The following CDIN1 variants were observed in gnomAD, a reference collection of about 807,000 sequenced individuals.
CDIN1 encodes the protein CDAN1-interacting nuclease 1.
Under a neutral mutation model 45.3 loss-of-function variants are expected in CDIN1, and 33 were observed. The observed-to-expected ratio is 0.73, with a 90% CI of 0.55 to 0.97. The LOEUF (loss-of-function observed/expected upper bound fraction) is 0.97, where lower values mean the gene tolerates loss of function less well. CDIN1 is among the 50% of genes least tolerant of loss of function. The pLI is 0.00. For missense variants in CDIN1, 303 were observed against 339.4 expected (o/e 0.89, Z 0.84); for synonymous variants, 118 against 124.4 (o/e 0.95, Z 0.34).
chr15:36,614,324 C>T lies in CDIN1; in HGVS notation c.102-29954C>T, dbSNP rs138643537. On this transcript the variant is annotated intron_variant, in intron 1 of 10. Coordinates refer to ENST00000566621, the MANE Select transcript of CDIN1 (RefSeq NM_001321759.2). The stretch of plus-strand genomic sequence containing the variant: ...TAACTGGAAGGCTGCTTTCTCCTTT[C>T]GCCACCCCCTTCTCCCCTGTGGCTT... 6.0e-3 allele frequency: 3,370 copies of T among 558,910 alleles called. 16 individuals carry two copies. The highest frequency in any genetic ancestry group is 9.6e-3 in the Non-Finnish European group (2,748 of 286,718). 34.6% of individuals were successfully genotyped at this position (558,910 alleles called of 1,614,324 possible). A position where few individuals can be genotyped will look rare whatever the true frequency, so the allele number is the denominator to read the frequency against.
In CDIN1 at chr15:36,751,238, T is replaced by TATATATATATATATA. The variant is rs2053461355; in HGVS notation, c.716+41278_716+41292dup. On this transcript the variant is annotated intron_variant, in intron 10 of 10. Transcript: ENST00000566621. Reference sequence around the variant, plus strand: ...TATATATATGCTTATTTTATATATATATATATATATATATATATATATGGC... The same window carrying TATATATATATATATA: ...TATATATATGCTTATTTTATATATATATATATATATATATAATATATATATATATATATATATGGC... 3.7e-5 allele frequency among the ~76,000 whole-genome samples: 5 copies of TATATATATATATATA among 134,030 alleles called. 1 individual carries two copies. Among genetic ancestry groups the TATATATATATATATA allele is most frequent in the Admixed American group, 7.2e-5 (1 of 13,882 alleles). The allele number at this position is 134,030 out of a possible 152,430, so 87.9% of individuals were successfully genotyped here.
chr15:36,614,969 T>A (rs973886174), intron 1 of CDIN1, among the ~76,000 whole-genome samples: 1 of 152,134 alleles, frequency 6.6e-6, no homozygotes, highest in Non-Finnish European at 1.5e-5. Flanking sequence ...ACCATTTAAT[T>A]GCTTTCCTGC....
intron 10 of CDIN1, among the ~76,000 whole-genome samples, chr15:36,711,080 C>T (rs1445076577): frequency 2.0e-5 from 3 of 152,104 alleles, no homozygotes; most frequent in East Asian, 1.9e-4. Flanking sequence ...GCTGTTTCAG[C>T]GTTTCCTGTG....
chr15:36,641,873 G>C (rs2040124418), intron 1 of CDIN1: 1 of 152,208 alleles, frequency 6.6e-6, no homozygotes, highest in African/African-American at 2.4e-5. Flanking sequence ...ACTGTTGAAT[G>C]TTGGACTGTG....
chr15:36,756,114 T>C, intron 10 of CDIN1: 1 of 455,968 alleles, frequency 2.2e-6, no homozygotes, highest in Non-Finnish European at 4.4e-6. Flanking sequence ...ATGGTGAGCT[T>C]TATTGGTTTA....
intron 5 of CDIN1, among the ~76,000 whole-genome samples, chr15:36,670,806 TAGAGA>T (rs747275017): frequency 6.6e-6 from 1 of 152,146 alleles, no homozygotes; most frequent in African/African-American, 2.4e-5. Context: ...AAGAATGAGA[TAGAGA>T]AAAGTGTAGC....
chr15:36,603,701 A>G (rs2038220375), intron 1 of CDIN1, among the ~76,000 whole-genome samples: 2 of 152,206 alleles, frequency 1.3e-5, no homozygotes, highest in Non-Finnish European at 2.9e-5. Context: ...ATAAAGAGGT[A>G]AAATTCTTCC....
At chr15:36,804,121 T>C (rs753997074) in intron 10 of CDIN1, among the ~76,000 whole-genome samples, 5 of 152,170 alleles carry the variant, frequency 3.3e-5, no homozygotes, top group African/African-American at 2.4e-5. Context: ...GGGATAATAA[T>C]TGTACCAACC....
chr15:36,779,833 C>A (rs1212885454), intron 10 of CDIN1, among the ~76,000 whole-genome samples: 2 of 152,094 alleles, frequency 1.3e-5, no homozygotes, highest in African/African-American at 4.8e-5. Context: ...GAAGATACCA[C>A]CCAACTAAGT....
intron 10 of CDIN1, among the ~76,000 whole-genome samples, chr15:36,718,292 T>C (rs2043285149): frequency 6.6e-6 from 1 of 152,106 alleles, no homozygotes; most frequent in South Asian, 2.1e-4. Flanking sequence ...AAACAGATAG[T>C]AGGTCCTCCA....
intron 1 of CDIN1, among the ~76,000 whole-genome samples, chr15:36,639,033 C>T (rs1429709762): frequency 1.1e-4 from 17 of 152,116 alleles, no homozygotes; most frequent in Admixed American, 1.1e-3. Flanking sequence ...CTTCATTTCC[C>T]CATCTCTAAA....
intron 1 of CDIN1, chr15:36,619,103 C>A: frequency 9.4e-7 from 1 of 1,065,700 alleles, no homozygotes; most frequent in Non-Finnish European, 1.4e-6. Context: ...AAGCCAGAAG[C>A]AAGGGCTAGT....
chr15:36,581,163 G>A (rs960329865), intron 1 of CDIN1, among the ~76,000 whole-genome samples: 1 of 152,196 alleles, frequency 6.6e-6, no homozygotes, highest in Non-Finnish European at 1.5e-5. Flanking sequence ...ACTCTTGCCA[G>A]TTCTGCACAT....
At chr15:36,744,634 A>G (rs56350022) in intron 10 of CDIN1, among the ~76,000 whole-genome samples, 14,626 of 152,194 alleles carry the variant, frequency 0.096, 2,387 homozygotes, top group African/African-American at 0.33. Flanking sequence ...TCATGATAAC[A>G]TGATTAGGGA....
chr15:36,699,220 C>T lies in CDIN1; in HGVS notation c.544+1830C>T, dbSNP rs572660162. 2.1e-3 allele frequency among the ~76,000 whole-genome samples: 314 copies of T among 152,216 alleles called. 1 individual carries two copies. Among genetic ancestry groups the T allele is most frequent in the African/African-American group, 6.9e-3 (286 of 41,532 alleles). On this transcript the variant is annotated intron_variant, in intron 8 of 10. Coordinates refer to ENST00000566621, the MANE Select transcript of CDIN1 (RefSeq NM_001321759.2). ...AATTCTTTGTATTTTTAATGTAGCACTGAATTAACATATGTTTGTGGTTGA... is the reference window on the plus strand; with the variant it reads ...AATTCTTTGTATTTTTAATGTAGCATTGAATTAACATATGTTTGTGGTTGA...
chr15:36,742,285 GAAT>G (rs1290303769), intron 10 of CDIN1, among the ~76,000 whole-genome samples: 1 of 152,136 alleles, frequency 6.6e-6, no homozygotes, highest in Non-Finnish European at 1.5e-5. Context: ...AGTATAAATG[GAAT>G]AATATGTAAA....
chr15:36,743,931 C>T (rs753483574), intron 10 of CDIN1, among the ~76,000 whole-genome samples: 1 of 150,956 alleles, frequency 6.6e-6, no homozygotes, highest in Non-Finnish European at 1.5e-5. Flanking sequence ...TGTCTGTAAA[C>T]CCATTGACTT....
At chr15:36,724,565 G>T (rs2043552572) in intron 10 of CDIN1, among the ~76,000 whole-genome samples, 1 of 152,126 alleles carries the variant, frequency 6.6e-6, no homozygotes, top group Non-Finnish European at 1.5e-5. Flanking sequence ...TGTGGGAGAG[G>T]AATGTGAGTG....
chr15:36,772,783 T>C (rs1231097962), intron 10 of CDIN1, among the ~76,000 whole-genome samples: 2 of 152,232 alleles, frequency 1.3e-5, no homozygotes, highest in African/African-American at 2.4e-5. Flanking sequence ...TAGGATCTGT[T>C]GAGCTGTATC....
Sources: gnomAD v4.1 joint callset for allele counts (sites outside exome capture counted in the v4.1 genomes callset) on GRCh38, gnomAD v4.1.1 for gene constraint, MANE v1.5 for transcripts, NCBI Gene and HGNC (gene_info 2026-07-23, HGNC 2026-07-21) for gene names.